GPC5: variants seen among roughly 807,000 people sequenced by gnomAD.
GPC5 encodes glypican 5.
Under a neutral mutation model 53.9 loss-of-function variants are expected in GPC5, and 47 were observed. The ratio of observed to expected loss-of-function variants is 0.87; its 90% CI spans 0.69 to 1.11. The LOEUF (loss-of-function observed/expected upper bound fraction) is 1.11, where lower values mean the gene tolerates loss of function less well. GPC5 is among the 50% of genes most tolerant of loss of function. The pLI, the probability that GPC5 is intolerant of heterozygous loss-of-function variation, is 0.00. For missense variants in GPC5, 748 were observed against 713.1 expected, an observed-to-expected ratio of 1.05 and a Z score of -0.56; for synonymous variants, 286 against 263.3, an observed-to-expected ratio of 1.09 and a Z score of -0.84.
rs548825059 is a variant in GPC5, at chr13:91,779,998, G to A, written c.1280+23578G>A. On this transcript the variant is annotated intron_variant, in intron 5 of 7. Coordinates refer to ENST00000377067, the MANE Select transcript of GPC5 (RefSeq NM_004466.6). Reference sequence around the variant, plus strand: ...CTGTTTATTATCAGTATCATATACTGTATATAATTGCATGTGTTATATTTC... The same window carrying A: ...CTGTTTATTATCAGTATCATATACTATATATAATTGCATGTGTTATATTTC... Among the ~76,000 whole-genome samples the A allele has an allele frequency of 7.2e-5, 11 of 152,254 alleles. No individual in the cohort carries two copies. The South Asian group carries it at 2.3e-3, about 32-fold the overall frequency.
At chr13:91,824,084 A>T (rs1274068605) in intron 5 of GPC5, among the ~76,000 whole-genome samples, 1 of 152,084 alleles carries the variant, frequency 6.6e-6, no homozygotes, top group South Asian at 2.1e-4. Context: ...AATAAAACAA[A>T]TGCAATTTAA....
intron 7 of GPC5, among the ~76,000 whole-genome samples, chr13:92,274,274 A>G (rs1566513820): frequency 6.6e-6 from 1 of 151,982 alleles, no homozygotes; most frequent in Non-Finnish European, 1.5e-5. Flanking sequence ...TTCATTTTGA[A>G]TTCTTCTTCT....
chr13:92,746,214 A>G (rs969650594), intron 7 of GPC5, among the ~76,000 whole-genome samples: 7 of 152,118 alleles, frequency 4.6e-5, no homozygotes, highest in Admixed American at 3.3e-4. Flanking sequence ...TAGCTTTATA[A>G]AAGGTGCTTC....
intron 7 of GPC5, among the ~76,000 whole-genome samples, chr13:92,444,942 T>C (rs1205370902): frequency 1.3e-5 from 2 of 152,120 alleles, no homozygotes; most frequent in African/African-American, 4.8e-5. Context: ...TCAATGATCT[T>C]AGCAGGTGCT....
At chr13:92,294,232 T>G (rs2043017908) in intron 7 of GPC5, among the ~76,000 whole-genome samples, 1 of 152,190 alleles carries the variant, frequency 6.6e-6, no homozygotes, top group Non-Finnish European at 1.5e-5. Flanking sequence ...GGGGTCCCTC[T>G]TTCTTTATCT....
chr13:91,720,099 C>T (rs1342057031), intron 3 of GPC5, among the ~76,000 whole-genome samples: 1 of 152,154 alleles, frequency 6.6e-6, no homozygotes, highest in Admixed American at 6.5e-5. Flanking sequence ...GTGGTAATGG[C>T]TACTGTCCCC....
intron 7 of GPC5, among the ~76,000 whole-genome samples, chr13:92,816,992 TCTAGAAACCTATAAC>T (rs1337197891): frequency 2.1e-4 from 32 of 151,970 alleles, no homozygotes; most frequent in Admixed American, 6.6e-5. Context: ...CCACTCCCGG[TCTAGAAACCTATAAC>T]CAAAAATGGG....
intron 7 of GPC5, among the ~76,000 whole-genome samples, chr13:92,568,120 G>A (rs916474792): frequency 3.9e-5 from 6 of 151,952 alleles, no homozygotes; most frequent in Admixed American, 6.6e-5. Flanking sequence ...CCAGAAGTTC[G>A]AGACCAGCCT....
At chr13:92,180,623 A>C (rs1348094727) in intron 7 of GPC5, 2 of 156,450 alleles carry the variant, frequency 1.3e-5, no homozygotes, top group African/African-American at 2.4e-5. Flanking sequence ...ACAGTAATGA[A>C]AAGAAAAAAA....
At chr13:91,671,172 G>A (rs376071063) in intron 2 of GPC5, among the ~76,000 whole-genome samples, 33 of 152,176 alleles carry the variant, frequency 2.2e-4, no homozygotes, top group African/African-American at 6.3e-4. Flanking sequence ...GAACATAAGC[G>A]TAAGGATTTT....
At chr13:91,684,938 TC>T (rs1430979835) in intron 2 of GPC5, among the ~76,000 whole-genome samples, 1 of 152,144 alleles carries the variant, frequency 6.6e-6, no homozygotes, top group Non-Finnish European at 1.5e-5. Context: ...TCAGCAACCT[TC>T]TTTGCACCTC....
chr13:91,971,716 G>A (rs1031127802), intron 6 of GPC5, among the ~76,000 whole-genome samples: 6 of 152,166 alleles, frequency 3.9e-5, no homozygotes, highest in South Asian at 2.1e-4. Context: ...CCTTCATTTC[G>A]TTATGTACCC....
intron 6 of GPC5, among the ~76,000 whole-genome samples, chr13:91,956,192 C>T (rs914770723): frequency 4.6e-5 from 7 of 151,916 alleles, no homozygotes; most frequent in African/African-American, 1.7e-4. Flanking sequence ...CTCAAGCATG[C>T]CACCTGGTGG....
intron 2 of GPC5, among the ~76,000 whole-genome samples, chr13:91,548,945 C>T (rs2030457638): frequency 6.6e-6 from 1 of 152,038 alleles, no homozygotes; most frequent in South Asian, 2.1e-4. Flanking sequence ...TCACAAAAAT[C>T]AACTCAAAGT....
chr13:92,313,072 A>G (rs751463456), intron 7 of GPC5, among the ~76,000 whole-genome samples: 1 of 152,184 alleles, frequency 6.6e-6, no homozygotes, highest in Non-Finnish European at 1.5e-5. Context: ...CTACTTGTTC[A>G]TATAAAGAGT....
intron 7 of GPC5, among the ~76,000 whole-genome samples, chr13:92,189,341 CTAG>C (rs149753047): frequency 0.024 from 3,632 of 152,202 alleles, 146 homozygotes; most frequent in African/African-American, 0.082. Context: ...CTAGCCAACT[CTAG>C]TCTCCCAAGT....
intron 7 of GPC5, among the ~76,000 whole-genome samples, chr13:92,581,870 C>T (rs755995687): frequency 1.3e-4 from 19 of 151,902 alleles, no homozygotes; most frequent in South Asian, 2.1e-4. Flanking sequence ...TTTTGAGAAA[C>T]GTCTATTCAT....
In GPC5 at chr13:92,369,631, A is replaced by G. The variant is rs73631017; in HGVS notation, c.1561+224642A>G. On this transcript the variant is annotated intron_variant, in intron 7 of 7. Coordinates refer to ENST00000377067, the MANE Select transcript of GPC5 (RefSeq NM_004466.6). ...AGGAAAACTGCTTTATGAGGCTTGA[A>G]CTATTGCTTGATGAATGTCAATATA... is the stretch of plus-strand genomic sequence containing the variant. 2.6e-3 allele frequency among the ~76,000 whole-genome samples: 393 copies of G among 152,348 alleles called. 3 individuals carry two copies. Among genetic ancestry groups the G allele is most frequent in the African/African-American group, 8.3e-3 (347 of 41,576 alleles).
chr13:92,715,032 T>A (rs1888281409), intron 7 of GPC5, among the ~76,000 whole-genome samples: 1 of 152,112 alleles, frequency 6.6e-6, no homozygotes, highest in Non-Finnish European at 1.5e-5. Flanking sequence ...GCCACTGCAC[T>A]CCAGCCTGGA....
Sources: gnomAD v4.1 joint callset for allele counts (sites outside exome capture counted in the v4.1 genomes callset) on GRCh38, gnomAD v4.1.1 for gene constraint, MANE v1.5 for transcripts, NCBI Gene and HGNC (gene_info 2026-07-23, HGNC 2026-07-21) for gene names.